Variants in ZNF107 observed in about 807,000 individuals in gnomAD.
The protein encoded by ZNF107 is zinc finger protein 107, also known as C2H2 type zinc-finger protein.
A neutral mutation model predicts 12.3 loss-of-function variants in ZNF107; 19 were observed. The observed-to-expected ratio is 1.55, with a 90% CI of 1.08 to 2.27. ZNF107 has a LOEUF of 2.27. Ranked by LOEUF, ZNF107 falls within the 30% of genes most tolerant of loss-of-function variation. ZNF107 has a pLI of 0.00. For synonymous variants in ZNF107, 317 were observed against 330.5 expected, an observed-to-expected ratio of 0.96 and a Z score of 0.44; for missense variants, 958 against 979.9, an observed-to-expected ratio of 0.98 and a Z score of 0.30.
chr7:64,666,144 T>C lies in ZNF107; in HGVS notation c.-139T>C, dbSNP rs922989126. 18 of 1,205,662 alleles carry C rather than the reference T, an allele frequency of 1.5e-5. No homozygotes were observed. In the East Asian group the frequency reaches 3.0e-4, roughly 20 times the overall value. 74.7% of individuals were successfully genotyped at this position (1,205,662 alleles called of 1,614,324 possible). On this transcript the variant is annotated 5_prime_UTR_variant, in exon 1 of 4. Coordinates refer to ENST00000620827, the MANE Select transcript of ZNF107 (RefSeq NM_001282359.2). ...CGGGATTTGGCGGGGCCTTTGTCTC[T>C]GGCTGCAGCCGGAGCTCCTGCTCTC... is the stretch of plus-strand genomic sequence containing the variant.
chr7:64,679,083 A>T, intron 1 of ZNF107: 1 of 268,464 alleles, frequency 3.7e-6, no homozygotes, highest in Non-Finnish European at 5.7e-6. Flanking sequence ...GATTGAAGAG[A>T]CGACCCAAGC....
intron 1 of ZNF107, among the ~76,000 whole-genome samples, chr7:64,688,945 T>G (rs1036709067): frequency 6.6e-6 from 1 of 151,922 alleles, no homozygotes; most frequent in Non-Finnish European, 1.5e-5. Context: ...ACAAACAACT[T>G]TGTATCAGCC....
intron 1 of ZNF107, among the ~76,000 whole-genome samples, chr7:64,681,544 G>A (rs932644626): frequency 1.8e-4 from 28 of 151,632 alleles, no homozygotes; most frequent in African/African-American, 4.6e-4. Flanking sequence ...CTCCTCTAAC[G>A]TCTCCCTTCC....
chr7:64,666,563 G>C (rs1170743730), intron 1 of ZNF107, among the ~76,000 whole-genome samples: 1 of 152,138 alleles, frequency 6.6e-6, no homozygotes, highest in Non-Finnish European at 1.5e-5. Context: ...AGCCCTCTCC[G>C]GGCGGCTTTG....
intron 1 of ZNF107, among the ~76,000 whole-genome samples, chr7:64,674,961 A>G (rs368313968): frequency 7.2e-5 from 11 of 152,052 alleles, no homozygotes; most frequent in African/African-American, 2.4e-4. Context: ...AGTCTACTTG[A>G]TCATAGTGGA....
At chr7:64,696,727 T>TGTA (rs1790301414) in intron 3 of ZNF107, among the ~76,000 whole-genome samples, 1 of 152,238 alleles carries the variant, frequency 6.6e-6, no homozygotes, top group Non-Finnish European at 1.5e-5. Context: ...AGTGGAATCA[T>TGTA]GTAGTATCCA....
At chr7:64,672,403 CTG>C (rs1332420450) in intron 1 of ZNF107, among the ~76,000 whole-genome samples, 7 of 152,256 alleles carry the variant, frequency 4.6e-5, no homozygotes, top group African/African-American at 1.4e-4. Flanking sequence ...GTCACACAGG[CTG>C]AAGTGCAGTG....
In ZNF107 at chr7:64,706,958, T is replaced by G. The variant is rs780414451; in HGVS notation, c.861T>G (p.Tyr287Ter). 2.5e-6 allele frequency: 4 copies of G among 1,613,400 alleles called. No individual in the cohort carries two copies. In the Admixed American group the frequency reaches 5.0e-5, roughly 20 times the overall value. Residue 287 changes from tyrosine to a stop codon, truncating the protein, a stop_gained, in exon 4 of 4, where the codon TAT becomes TAG. Coordinates refer to ENST00000620827, the MANE Select transcript of ZNF107 (RefSeq NM_001282359.2). LOFTEE classifies it low-confidence loss of function (END_TRUNC). ...IIHTGEKPYK[Y>*]EECGKVFSQS... ...ATACTGGAGAAAAACCTTACAAATATGAAGAATGTGGCAAAGTCTTTAGCC... is the reference window on the plus strand; with the variant it reads ...ATACTGGAGAAAAACCTTACAAATAGGAAGAATGTGGCAAAGTCTTTAGCC...
intron 1 of ZNF107, chr7:64,686,919 G>A (rs760707368): frequency 1.3e-4 from 133 of 985,296 alleles, no homozygotes; most frequent in East Asian, 4.5e-4. Context: ...TCCAGACCAC[G>A]CTGTAACACA....
At chr7:64,667,548 C>T (rs3814457) in intron 1 of ZNF107, among the ~76,000 whole-genome samples, 13,391 of 152,204 alleles carry the variant, frequency 0.088, 939 homozygotes, top group East Asian at 0.27. Context: ...AGCCACCTTT[C>T]GGTTTTCTCC....
intron 1 of ZNF107, chr7:64,687,569 A>G: frequency 1.0e-6 from 1 of 985,392 alleles, no homozygotes; most frequent in Non-Finnish European, 1.2e-6. Context: ...CCTGGCTTTA[A>G]GTTGCAAAAT....
chr7:64,686,678 A>G (rs1562832691), intron 1 of ZNF107: 2 of 975,418 alleles, frequency 2.1e-6, no homozygotes, highest in Non-Finnish European at 1.2e-6. Flanking sequence ...GAAAACCTGC[A>G]ACAACCAAAA....
At chr7:64,669,199 A>G (rs937434183) in intron 1 of ZNF107, 13 of 151,320 alleles carry the variant, frequency 8.6e-5, no homozygotes, top group African/African-American at 2.9e-4. Flanking sequence ...TAGTTTTATT[A>G]GACACGGGGT....
rs747050743 is a variant in ZNF107, at chr7:64,708,656, A to G, written c.2559A>G (p.Ter853=). The G allele has an allele frequency of 3.8e-6, 6 of 1,591,782 alleles. No individual in the cohort carries two copies. The African/African-American group carries it at 8.1e-5, about 22-fold the overall frequency. The change falls in exon 4 of 4, where the codon TAA becomes TAG. Residue 853 remains the stop codon, a stop_retained_variant. Coordinates refer to ENST00000620827, the MANE Select transcript of ZNF107 (RefSeq NM_001282359.2). ...ACAAATGTGAGTATGGCAAAACTTA[A>G]TTGATCCTACAAGCTTACTACACAT... ...KPYKCEYGKT[*] is the part of the protein sequence containing the mutation.
intron 3 of ZNF107, among the ~76,000 whole-genome samples, chr7:64,702,080 A>G (rs1214506800): frequency 6.6e-6 from 1 of 152,076 alleles, no homozygotes; most frequent in Non-Finnish European, 1.5e-5. Context: ...TGTTTTTCAT[A>G]CATTCTATAA....
At chr7:64,686,732 C>T (rs999321105) in intron 1 of ZNF107, 19 of 889,748 alleles carry the variant, frequency 2.1e-5, no homozygotes, top group Non-Finnish European at 2.3e-5. Context: ...ACTGGTTGAT[C>T]AACTTCTTGA....
intron 1 of ZNF107, chr7:64,687,120 CAATAT>C (rs1789949026): frequency 1.0e-6 from 1 of 985,008 alleles, no homozygotes; most frequent in African/African-American, 1.7e-5. Flanking sequence ...TTTTCCCTCT[CAATAT>C]AATCATTTTC....
chr7:64,673,198 C>T (rs866855372), intron 1 of ZNF107, among the ~76,000 whole-genome samples: 5 of 152,164 alleles, frequency 3.3e-5, no homozygotes, highest in East Asian at 1.9e-4. Flanking sequence ...TGCCTGCCAC[C>T]GTGCCTGGCT....
chr7:64,696,179 A>G (rs1415961267), intron 3 of ZNF107, among the ~76,000 whole-genome samples: 1 of 151,990 alleles, frequency 6.6e-6, no homozygotes, highest in Non-Finnish European at 1.5e-5. Context: ...CAGCCTCCCA[A>G]GTAGCTGGGA....
Sources: gnomAD v4.1 joint callset for allele counts (sites outside exome capture counted in the v4.1 genomes callset) on GRCh38, gnomAD v4.1.1 for gene constraint, MANE v1.5 for transcripts, NCBI Gene and HGNC (gene_info 2026-07-23, HGNC 2026-07-21) for gene names.